The following TSPAN18 variants were observed in gnomAD, a reference collection of about 807,000 sequenced individuals.
TSPAN18 encodes tetraspanin-18.
A neutral mutation model predicts 27.3 loss-of-function variants in TSPAN18; 14 were observed. The ratio of observed to expected loss-of-function variants is 0.51; its 90% CI spans 0.34 to 0.80. TSPAN18 has a LOEUF of 0.80. Ranked by LOEUF, TSPAN18 falls within the 30% of genes least tolerant of loss-of-function variation. TSPAN18 has a pLI of 0.01. For synonymous variants in TSPAN18, 143 were observed against 136.5 expected (o/e 1.05, Z -0.33); for missense variants, 268 against 323.9 (o/e 0.83, Z 1.32).
intron 2 of TSPAN18, among the ~76,000 whole-genome samples, chr11:44,791,218 C>T (rs1172907123): frequency 6.6e-6 from 1 of 152,174 alleles, no homozygotes; most frequent in East Asian, 1.9e-4. Flanking sequence ...AGGGGCATCA[C>T]CAGTGGGAAA....
At chr11:44,914,099 C>T (rs1243947581) in intron 5 of TSPAN18, among the ~76,000 whole-genome samples, 2 of 152,216 alleles carry the variant, frequency 1.3e-5, no homozygotes, top group African/African-American at 4.8e-5. Context: ...CACGGCTTCC[C>T]AGGTTTATTC....
At chr11:44,928,345 C>T (rs1028061201) in intron 9 of TSPAN18, among the ~76,000 whole-genome samples, 2 of 152,234 alleles carry the variant, frequency 1.3e-5, no homozygotes, top group Non-Finnish European at 2.9e-5. Flanking sequence ...ACACTTAAAT[C>T]TCACCACCTT....
At chr11:44,881,845 C>T (rs1422684938) in intron 3 of TSPAN18, among the ~76,000 whole-genome samples, 1 of 152,208 alleles carries the variant, frequency 6.6e-6, no homozygotes, top group Non-Finnish European at 1.5e-5. Flanking sequence ...AGGTTTGTCT[C>T]TTCTCAGAAC....
intron 1 of TSPAN18, among the ~76,000 whole-genome samples, chr11:44,738,868 C>T (rs1443272225): frequency 1.3e-5 from 2 of 152,152 alleles, no homozygotes; most frequent in Admixed American, 1.3e-4. Flanking sequence ...AAAACCAGGG[C>T]ACAGAGAGGT....
rs1590671474 is a variant in TSPAN18, at chr11:44,908,831, A to AAAGAAAGAGAG, written c.64-873_64-872insAGAAAGAGAGA. ...AGAAAGAAAGAAAGAAAGAAAGAAAAAGAAAAATGGAGCAGATATTTATTG... is the reference window on the plus strand; with the variant it reads ...AGAAAGAAAGAAAGAAAGAAAGAAAAAAGAAAGAGAGAGAAAAATGGAGCAGATATTTATTG... On this transcript the variant is annotated intron_variant, in intron 4 of 9. Coordinates refer to ENST00000520358, the MANE Select transcript of TSPAN18 (RefSeq NM_130783.5). 8.3e-3 allele frequency among the ~76,000 whole-genome samples: 798 copies of AAAGAAAGAGAG among 96,230 alleles called. 142 individuals carry two copies. Among genetic ancestry groups the AAAGAAAGAGAG allele is most frequent in the African/African-American group, 0.031 (745 of 23,798 alleles). 63.1% of individuals were successfully genotyped at this position (96,230 alleles called of 152,430 possible). A position where few individuals can be genotyped will look rare whatever the true frequency, so the allele number is the denominator to read the frequency against.
intron 3 of TSPAN18, among the ~76,000 whole-genome samples, chr11:44,872,128 G>A (rs555605975): frequency 6.6e-5 from 10 of 151,768 alleles, no homozygotes; most frequent in Non-Finnish European, 1.3e-4. Context: ...ACAGGGTTTC[G>A]CCATGTTGTC....
intron 1 of TSPAN18, among the ~76,000 whole-genome samples, chr11:44,731,504 C>T (rs530309593): frequency 5.7e-4 from 86 of 151,850 alleles, no homozygotes; most frequent in African/African-American, 2.0e-3. Context: ...TAAGTGTTCA[C>T]TATCATCATC....
intron 4 of TSPAN18, 136 bp from the exon 5 acceptor site, chr11:44,909,569 A>G (rs745312703): frequency 6.1e-6 from 5 of 825,776 alleles, no homozygotes; most frequent in Non-Finnish European, 9.3e-6. Context: ...CTCTCGCCGC[A>G]GGTGAATTCC....
intron 1 of TSPAN18, among the ~76,000 whole-genome samples, chr11:44,730,597 G>A (rs901156149): frequency 3.6e-4 from 55 of 151,878 alleles, no homozygotes; most frequent in African/African-American, 9.7e-5. Context: ...TGCTCCATCT[G>A]AGGGAGTGGG....
chr11:44,868,193 C>A (rs140190792), intron 3 of TSPAN18, among the ~76,000 whole-genome samples: 5 of 152,300 alleles, frequency 3.3e-5, no homozygotes, highest in African/African-American at 1.2e-4. Flanking sequence ...CAGTTGGAGG[C>A]TGGAACCCAG....
intron 2 of TSPAN18, among the ~76,000 whole-genome samples, chr11:44,841,591 C>T (rs1857375350): frequency 6.6e-6 from 1 of 152,058 alleles, no homozygotes; most frequent in African/African-American, 2.4e-5. Context: ...AGAAAGGCTG[C>T]CTTACTTACA....
intron 5 of TSPAN18, among the ~76,000 whole-genome samples, chr11:44,917,332 G>A (rs1859949384): frequency 6.6e-6 from 1 of 152,238 alleles, no homozygotes; most frequent in African/African-American, 2.4e-5. Flanking sequence ...GAAATGAGAG[G>A]CACTGTGGTT....
At chr11:44,857,141 T>TA (rs1273242178) in intron 2 of TSPAN18, among the ~76,000 whole-genome samples, 2 of 152,104 alleles carry the variant, frequency 1.3e-5, no homozygotes, top group African/African-American at 4.8e-5. Context: ...AAGAGGGACT[T>TA]AGGTAAAGGA....
intron 1 of TSPAN18, among the ~76,000 whole-genome samples, chr11:44,757,050 T>C (rs1383337554): frequency 6.6e-6 from 1 of 152,246 alleles, no homozygotes; most frequent in African/African-American, 2.4e-5. Flanking sequence ...TTTAGTTGAA[T>C]GTTTTTATTA....
chr11:44,729,848 A>G (rs573140687), intron 1 of TSPAN18, among the ~76,000 whole-genome samples: 2 of 152,246 alleles, frequency 1.3e-5, no homozygotes, highest in South Asian at 2.1e-4. Flanking sequence ...GATTAATTCA[A>G]GGATGTGTGG....
rs185789876 is a variant in TSPAN18 at position 44,750,793 on chromosome 11, T to A, written c.-239-13633T>A. On this transcript the variant is annotated intron_variant, in intron 1 of 9. Transcript: ENST00000520358. ...TGAGGAGCAGCGAAAGAAAGATGGA[T>A]GCTTGCAAGACATCTGGGACATTGG... Among the ~76,000 whole-genome samples the A allele has an allele frequency of 4.0e-3, 616 of 152,318 alleles. 27 individuals carry two copies. Among genetic ancestry groups the A allele is most frequent in the Admixed American group, 0.036 (548 of 15,308 alleles).
chr11:44,748,780 A>G (rs565316265), intron 1 of TSPAN18, among the ~76,000 whole-genome samples: 1 of 152,244 alleles, frequency 6.6e-6, no homozygotes, highest in African/African-American at 2.4e-5. Flanking sequence ...TGAATGGGGG[A>G]GGGGCGGCGG....
intron 3 of TSPAN18, among the ~76,000 whole-genome samples, chr11:44,877,868 A>G (rs907135944): frequency 2.6e-5 from 4 of 151,914 alleles, no homozygotes; most frequent in African/African-American, 9.7e-5. Context: ...CTTTAGGTGT[A>G]ATAGAGCTTG....
At chr11:44,898,003 T>A (rs561183536) in intron 3 of TSPAN18, among the ~76,000 whole-genome samples, 1 of 152,232 alleles carries the variant, frequency 6.6e-6, no homozygotes, top group Non-Finnish European at 1.5e-5. Flanking sequence ...CTGACTCCAC[T>A]GTCTCTTTTT....
Sources: gnomAD v4.1 joint callset for allele counts (sites outside exome capture counted in the v4.1 genomes callset) on GRCh38, gnomAD v4.1.1 for gene constraint, MANE v1.5 for transcripts, NCBI Gene and HGNC (gene_info 2026-07-23, HGNC 2026-07-21) for gene names.